The following PDE4B variants were observed in gnomAD, a reference collection of about 807,000 sequenced individuals.
The protein encoded by PDE4B is phosphodiesterase 4B.
In PDE4B, 20 loss-of-function variants were observed where a neutral mutation model predicts 82.2. That is an observed-to-expected ratio of 0.24 (90% CI 0.17 to 0.35). The LOEUF (loss-of-function observed/expected upper bound fraction) is 0.35. Ranked by LOEUF, PDE4B falls within the 10% of genes least tolerant of loss-of-function variation. The pLI is 1.00. For synonymous variants in PDE4B, 320 were observed against 318.9 expected (o/e 1.00, Z -0.04); for missense variants, 655 against 907.2 (o/e 0.72, Z 3.57).
intron 12 of PDE4B, among the ~76,000 whole-genome samples, chr1:66,364,350 T>G (rs749213452): frequency 1.2e-4 from 19 of 152,152 alleles, no homozygotes; most frequent in Non-Finnish European, 2.5e-4. Context: ...GAAACAATAT[T>G]CATATTTGCC....
intron 3 of PDE4B, among the ~76,000 whole-genome samples, chr1:66,134,227 G>T (rs1218893974): frequency 6.6e-6 from 1 of 152,228 alleles, no homozygotes; most frequent in East Asian, 1.9e-4. Context: ...GTCTTAGGCA[G>T]ATAGTTACAA....
intron 3 of PDE4B, among the ~76,000 whole-genome samples, chr1:66,051,783 G>T (rs1303402605): frequency 6.6e-6 from 1 of 152,026 alleles, no homozygotes; most frequent in African/African-American, 2.4e-5. Flanking sequence ...TATAACATTT[G>T]ATATGTTTTC....
intron 2 of PDE4B, among the ~76,000 whole-genome samples, chr1:65,916,672 A>G (rs1647163505): frequency 6.6e-6 from 1 of 152,140 alleles, no homozygotes; most frequent in African/African-American, 2.4e-5. Context: ...TGTCTCCTAA[A>G]GAAGTTTGTA....
At chr1:65,846,184 T>A (rs535570639) in intron 1 of PDE4B, among the ~76,000 whole-genome samples, 6 of 152,314 alleles carry the variant, frequency 3.9e-5, no homozygotes, top group Non-Finnish European at 8.8e-5. Flanking sequence ...TGTCACGACC[T>A]TCCAGTCTCT....
At chr1:66,122,282 A>G (rs1376749260) in intron 3 of PDE4B, among the ~76,000 whole-genome samples, 1 of 152,212 alleles carries the variant, frequency 6.6e-6, no homozygotes, top group African/African-American at 2.4e-5. Context: ...GGACATGTTA[A>G]GTGCTCAGTA....
At chr1:65,875,878 C>G (rs1209536235) in intron 1 of PDE4B, among the ~76,000 whole-genome samples, 1 of 151,072 alleles carries the variant, frequency 6.6e-6, no homozygotes, top group African/African-American at 2.4e-5. Flanking sequence ...GTGCAGCGCA[C>G]CAGCATGGTA....
At chr1:66,210,137 A>T (rs1015209399) in intron 3 of PDE4B, among the ~76,000 whole-genome samples, 1 of 152,184 alleles carries the variant, frequency 6.6e-6, no homozygotes, top group Non-Finnish European at 1.5e-5. Flanking sequence ...CATGTATTTA[A>T]TTATACATTT....
intron 3 of PDE4B, among the ~76,000 whole-genome samples, chr1:66,024,311 A>G (rs951897819): frequency 6.6e-6 from 1 of 152,138 alleles, no homozygotes; most frequent in African/African-American, 2.4e-5. Flanking sequence ...TATACCTTAG[A>G]GTTGGAAGTG....
At chr1:65,905,102 G>C (rs1034071111) in intron 1 of PDE4B, among the ~76,000 whole-genome samples, 1 of 152,084 alleles carries the variant, frequency 6.6e-6, no homozygotes, top group African/African-American at 2.4e-5. Flanking sequence ...TTATTGCTTG[G>C]CACAAGAGAT....
At chr1:66,056,363 G>T (rs573875558) in intron 3 of PDE4B, among the ~76,000 whole-genome samples, 3 of 151,446 alleles carry the variant, frequency 2.0e-5, no homozygotes, top group African/African-American at 7.3e-5. Flanking sequence ...GTGGAAGAAT[G>T]GTCAGAGACA....
intron 3 of PDE4B, among the ~76,000 whole-genome samples, chr1:66,217,406 G>C (rs1031299151): frequency 2.0e-5 from 3 of 152,072 alleles, no homozygotes; most frequent in Non-Finnish European, 4.4e-5. Context: ...GATTAATGTG[G>C]CATAAAATGC....
chr1:65,940,744 T>G (rs1039277381), intron 3 of PDE4B, among the ~76,000 whole-genome samples: 2 of 152,014 alleles, frequency 1.3e-5, no homozygotes, highest in African/African-American at 4.8e-5. Flanking sequence ...AAATATTTTT[T>G]GGGGTATAAA....
chr1:66,349,160 T>G (rs766113637), intron 8 of PDE4B, among the ~76,000 whole-genome samples: 2 of 152,136 alleles, frequency 1.3e-5, no homozygotes, highest in African/African-American at 4.8e-5. Context: ...ATTTGTTTGA[T>G]CTTTTGATAT....
intron 4 of PDE4B, chr1:66,257,331 C>T (rs1024581325): frequency 4.6e-6 from 2 of 437,242 alleles, no homozygotes; most frequent in African/African-American, 2.0e-5. Context: ...AACCAAAATC[C>T]ACAAGTCGCT....
At chr1:66,271,533 A>G (rs1655478232) in intron 7 of PDE4B, among the ~76,000 whole-genome samples, 1 of 152,240 alleles carries the variant, frequency 6.6e-6, no homozygotes, top group Non-Finnish European at 1.5e-5. Flanking sequence ...TTTTACAAAG[A>G]CAACCATCAG....
intron 3 of PDE4B, among the ~76,000 whole-genome samples, chr1:66,160,740 C>G (rs760363459): frequency 6.6e-6 from 1 of 152,136 alleles, no homozygotes; most frequent in African/African-American, 2.4e-5. Flanking sequence ...AATCTATGAC[C>G]TCTGAATTTT....
intron 3 of PDE4B, among the ~76,000 whole-genome samples, chr1:66,150,995 T>C (rs935203767): frequency 6.6e-6 from 1 of 152,234 alleles, no homozygotes; most frequent in African/African-American, 2.4e-5. Flanking sequence ...TGTATTTTTC[T>C]TTCCTTGTGA....
chr1:66,142,285 A>T (rs1352784323), intron 3 of PDE4B, among the ~76,000 whole-genome samples: 2 of 152,270 alleles, frequency 1.3e-5, no homozygotes, highest in East Asian at 3.9e-4. Context: ...TCATGGGTCA[A>T]CTTTAATTCT....
At chr1:66,174,289 T>C (rs1646890954) in intron 3 of PDE4B, among the ~76,000 whole-genome samples, 1 of 152,232 alleles carries the variant, frequency 6.6e-6, no homozygotes, top group Admixed American at 6.5e-5. Flanking sequence ...AGAAGAATTA[T>C]GTTTATAGTA....
Sources: allele counts gnomAD v4.1 joint callset (sites outside exome capture counted in the v4.1 genomes callset), GRCh38; gene constraint gnomAD v4.1.1; transcripts MANE v1.5; gene names NCBI Gene and HGNC (gene_info 2026-07-23, HGNC 2026-07-21).